Variants in C6orf136 observed in about 807,000 individuals in gnomAD.
C6orf136 encodes the protein uncharacterized protein C6orf136.
Under a neutral mutation model 44.0 loss-of-function variants are expected in C6orf136, and 29 were observed. That is an observed-to-expected ratio of 0.66 (90% CI 0.49 to 0.90). C6orf136 has a LOEUF of 0.90. Ranked by LOEUF, C6orf136 falls within the 40% of genes least tolerant of loss-of-function variation. The pLI is 0.00. For missense variants in C6orf136, 628 were observed against 669.3 expected (o/e 0.94, Z 0.68); for synonymous variants, 293 against 278.6 (o/e 1.05, Z -0.52).
In C6orf136 at chr6:30,649,851, G is replaced by A; in HGVS notation, c.909G>A (p.Trp303Ter). ...EGPPCPYPGAWIPFQVPGTAH... is the reference protein window; with the variant it reads ...EGPPCPYPGA Reference sequence around the variant, plus strand: ...CTCCCTGCCCCTATCCTGGGGCTTGGATACCTTTCCAAGTCCCTGGAACTG... The same window carrying A: ...CTCCCTGCCCCTATCCTGGGGCTTGAATACCTTTCCAAGTCCCTGGAACTG... The change falls in exon 2 of 6, where the codon TGG becomes TGA. Residue 303 changes from tryptophan to a stop codon, truncating the protein, a stop_gained. Transcript: ENST00000651131. LOFTEE classifies it high-confidence loss of function. The A allele has an allele frequency of 6.2e-7, 1 of 1,614,008 alleles. No individual in the cohort carries two copies.
Position 30,647,394 on chromosome 6 carries a change from G to T in C6orf136, c.163G>T (p.Ala55Ser). 6.8e-7 allele frequency: 1 copy of T among 1,480,132 alleles called. No homozygotes were observed. Among genetic ancestry groups the T allele is most frequent in the Non-Finnish European group, 9.0e-7 (1 of 1,115,020 alleles). The allele number at this position is 1,480,132 out of a possible 1,614,324, so 91.7% of individuals were successfully genotyped here. A position where few individuals can be genotyped will look rare whatever the true frequency, so the allele number is the denominator to read the frequency against. The stretch of plus-strand genomic sequence containing the variant: ...TGGGGCGGAGCGCGCGCTGGGTTCC[G>T]CGCAGGCGCAGAGACACCCGCCGCC... ...VRGAERALGS[A>S]QAQRHPPPLP... The change falls in exon 1 of 6, where the codon GCG (alanine) becomes TCG (serine). Residue 55 changes from alanine to serine, a missense_variant. Physicochemically the swap from Ala to Ser is moderately conservative, Grantham distance 99. Transcript: ENST00000651131. The surrounding 1 kb of genome is among the most constrained non-coding windows in gnomAD (Gnocchi z 4.8).
Position 30,647,341 on chromosome 6 carries a change from G to A in C6orf136, c.110G>A (p.Gly37Glu). 1 of 1,561,826 alleles carries A rather than the reference G, an allele frequency of 6.4e-7. No homozygotes were observed. Among genetic ancestry groups the A allele is most frequent in the Non-Finnish European group, 8.6e-7 (1 of 1,158,684 alleles). Residue 37 changes from glycine to glutamate, a missense_variant, in exon 1 of 6, where the codon GGG becomes GAG. Gly to Glu is a moderately conservative substitution (Grantham distance 98, BLOSUM62 -2). Around this residue, in one of 2 missense-constraint regions of C6orf136, gnomAD observed 497 missense variants for 469.2 expected, o/e 1.06. Transcript: ENST00000651131. The surrounding 1 kb of genome is among the most constrained non-coding windows in gnomAD (Gnocchi z 4.8). Reference protein sequence around the residue: ...GGEEGGRRGGGERPSSKPVRG... With the variant: ...GGEEGGRRGGEERPSSKPVRG... ...GAAGAGGGAGGGAGGAGAGGGGGCG[G>A]GGAGAGACCCTCCTCAAAGCCGGTG... is the stretch of plus-strand genomic sequence containing the variant.
intron 4 of C6orf136, among the ~76,000 whole-genome samples, chr6:30,652,251 A>T (rs1304775651): frequency 1.4e-5 from 2 of 141,734 alleles, no homozygotes; most frequent in South Asian, 2.3e-4. Flanking sequence ...ACACACACAC[A>T]CACACACACA....
In C6orf136 at chr6:30,651,510, T is replaced by C. The variant is rs1047597827; in HGVS notation, c.1307+44T>C. 1.8e-5 allele frequency: 15 copies of C among 833,998 alleles called. No homozygotes were observed. In the African/African-American group the frequency reaches 2.5e-4, roughly 14 times the overall value. 51.7% of individuals were successfully genotyped at this position (833,998 alleles called of 1,614,324 possible). A position where few individuals can be genotyped will look rare whatever the true frequency, so the allele number is the denominator to read the frequency against. On this transcript the variant is annotated intron_variant, in intron 4 of 5. Transcript: ENST00000651131. Reference sequence around the variant, plus strand: ...AGGACCCAAACTATAATCAGTTCCTTTTTTTTTTTTTTTTGAGACGGAGTC... The same window carrying C: ...AGGACCCAAACTATAATCAGTTCCTCTTTTTTTTTTTTTTGAGACGGAGTC...
rs773609025 is a variant in C6orf136, at chr6:30,649,951, A to G, written c.1009A>G (p.Arg337Gly). 1.2e-6 allele frequency: 2 copies of G among 1,613,000 alleles called. No individual in the cohort carries two copies. The highest frequency in any genetic ancestry group is 1.7e-6 in the Non-Finnish European group (2 of 1,179,882). The change falls in exon 2 of 6, where the codon AGA becomes GGA. Residue 337 changes from arginine to glycine, a missense_variant. By Grantham distance (125) the Arg-to-Gly change is moderately radical. This residue lies in a region of C6orf136 where 497 missense variants were observed against 469.2 expected (regional missense o/e 1.06). Coordinates refer to ENST00000651131, the MANE Select transcript of C6orf136 (RefSeq NM_001161376.2). The stretch of plus-strand genomic sequence containing the variant: ...TCTGTCTGTCATGTATGAGAGACTG[A>G]GACAAGAGGTAAGTCAGTGCAAAAG... ...EHLSVMYERL[R>G]QELPKLFLQS...
In C6orf136 at chr6:30,652,854, C is replaced by T; in HGVS notation, c.1430C>T (p.Ala477Val). 2 of 1,613,080 alleles carry T rather than the reference C, an allele frequency of 1.2e-6. No individual in the cohort carries two copies. Among genetic ancestry groups the T allele is most frequent in the Admixed American group, 1.7e-5 (1 of 60,016 alleles). Residue 477 changes from alanine to valine, a missense_variant, in exon 6 of 6, where the codon GCC becomes GTC. Transcript: ENST00000651131. ...PTPVKKLLVG[A>V]LVALGLSEPE... The stretch of plus-strand genomic sequence containing the variant: ...CCTGTGAAGAAGCTGCTAGTGGGAG[C>T]CCTGGTGGCCCTGGGGCTGTCAGAG...
In C6orf136 at chr6:30,647,303, G is replaced by C; in HGVS notation, c.72G>C (p.Gln24His). The C allele has an allele frequency of 6.3e-7, 1 of 1,597,768 alleles. No individual in the cohort carries two copies. ...TGCGCGCCTACCAGGCTCGACCCCA[G>C]GTGAGCGGAGGAGAAGAGGGAGGGA... ...PCLRAYQARP[Q>H]VSGGEEGGRR... is the part of the protein sequence containing the mutation. The change falls in exon 1 of 6, where the codon CAG (glutamine) becomes CAC (histidine). Residue 24 changes from glutamine (Q) to histidine (H), a missense_variant. Transcript: ENST00000651131. The surrounding 1 kb of genome is among the most constrained non-coding windows in gnomAD (Gnocchi z 4.8).
chr6:30,652,641 T>TC lies in C6orf136; in HGVS notation c.1308-3dup. The TC allele has an allele frequency of 6.2e-7, 1 of 1,612,664 alleles. No homozygotes were observed. On this transcript the variant is annotated splice_polypyrimidine_tract_variant and splice_region_variant and intron_variant, in intron 4 of 5. Transcript: ENST00000651131. ...TCTCCCTCAGTAAGCCTCCCTCTAT[T>TC]CCCCAGGACCTATGATGCCTACTCC...
chr6:30,649,580 T>C lies in C6orf136; in HGVS notation c.638T>C (p.Leu213Pro). Reference protein sequence around the residue: ...GTEDQLYPGTLPFPPLWPHST... With the variant: ...GTEDQLYPGTPPFPPLWPHST... ...TAGGACCAGCTTTATCCAGGGACTCTACCATTCCCACCCCTTTGGCCCCAC... is the reference window on the plus strand; with the variant it reads ...TAGGACCAGCTTTATCCAGGGACTCCACCATTCCCACCCCTTTGGCCCCAC... Residue 213 changes from leucine (L) to proline (P), a missense_variant, in exon 2 of 6, where the codon CTA becomes CCA. Physicochemically the swap from Leu to Pro is moderately conservative, Grantham distance 98. This residue lies in a region of C6orf136 where 497 missense variants were observed against 469.2 expected (regional missense o/e 1.06). Transcript: ENST00000651131. The C allele has an allele frequency of 1.3e-6, 2 of 1,586,188 alleles. No individual in the cohort carries two copies. Among genetic ancestry groups the C allele is most frequent in the African/African-American group, 1.4e-5 (1 of 72,830 alleles).
At chr6:30,652,226 G>A (rs562891497) in intron 4 of C6orf136, among the ~76,000 whole-genome samples, 2 of 142,574 alleles carry the variant, frequency 1.4e-5, no homozygotes, top group East Asian at 4.2e-4. Flanking sequence ...CTGGGTGACA[G>A]AGTGAAACCC....
In C6orf136 at chr6:30,652,926, T is replaced by C; in HGVS notation, c.*11T>C. 6.2e-7 allele frequency: 1 copy of C among 1,608,052 alleles called. No homozygotes were observed. Among genetic ancestry groups the C allele is most frequent in the Non-Finnish European group, 8.5e-7 (1 of 1,175,946 alleles). On this transcript the variant is annotated 3_prime_UTR_variant, in exon 6 of 6. Coordinates refer to ENST00000651131, the MANE Select transcript of C6orf136 (RefSeq NM_001161376.2). ...TGTTCCAAGCCCTGATCCTTGACCT[T>C]GGAGTGGAGGCAGCACTGAAGACTG...
At position 30,649,676 on chromosome 6, in the gene C6orf136, G is replaced by A. The variant is rs374559156; in HGVS notation, c.734G>A (p.Arg245His). 17 of 1,608,654 alleles carry A rather than the reference G, an allele frequency of 1.1e-5. No homozygotes were observed. In the African/African-American group the frequency reaches 1.6e-4, roughly 15 times the overall value. The change falls in exon 2 of 6, where the codon CGT (arginine) becomes CAT (histidine). Residue 245 changes from arginine (R) to histidine (H), a missense_variant. Physicochemically the swap from Arg to His is conservative, Grantham distance 29. Coordinates refer to ENST00000651131, the MANE Select transcript of C6orf136 (RefSeq NM_001161376.2). Reference sequence around the variant, plus strand: ...CTGCCCCCACGCCTTCCCACCCAGCGTCTTCCCCAGGTTCCCCCACTACCT... The same window carrying A: ...CTGCCCCCACGCCTTCCCACCCAGCATCTTCCCCAGGTTCCCCCACTACCT... ...SPLPPRLPTQ[R>H]LPQVPPLPLP...
intron 1 of C6orf136, among the ~76,000 whole-genome samples, chr6:30,648,784 A>G (rs1488996862): frequency 6.8e-6 from 1 of 146,434 alleles, no homozygotes; most frequent in Non-Finnish European, 1.5e-5. Flanking sequence ...AGGTGGGCGG[A>G]TTACCTGAGG....
rs1159320522 is a variant in C6orf136, at chr6:30,647,510, G to C, written c.279G>C (p.Ser93=). The change falls in exon 1 of 6, where the codon TCG becomes TCC. Residue 93 remains serine, a synonymous_variant. Transcript: ENST00000651131. This position sits in a 1 kb window ranked among gnomAD's most constrained non-coding sequence, Gnocchi z 4.8. ...GCCGGGCCTGTCGCGCAAGGACGTC[G>C]GTCCTCCCAGGTTTGAGGGCGGTCA... The part of the protein sequence containing the change: ...RRCRACRART[S]VLPGLRAVRR... 14 of 1,504,802 alleles carry C rather than the reference G, an allele frequency of 9.3e-6. No homozygotes were observed. Among genetic ancestry groups the C allele is most frequent in the African/African-American group, 1.4e-5 (1 of 71,496 alleles). The allele number at this position is 1,504,802 out of a possible 1,614,324, so 93.2% of individuals were successfully genotyped here. A position where few individuals can be genotyped will look rare whatever the true frequency, so the allele number is the denominator to read the frequency against.
At chr6:30,651,583 T>TGCAGCCTCTGCCTCCCG in intron 4 of C6orf136, 117 bp downstream of exon 4, 1 of 987,214 alleles carries the variant, frequency 1.0e-6, no homozygotes, top group South Asian at 1.5e-5. Context: ...CTCAGCTCAC[T>TGCAGCCTCTGCCTCCCG]GCAGCCTCTG....
rs1766948223 is a variant in C6orf136, at chr6:30,647,454, C to T, written c.223C>T (p.Leu75=). The stretch of plus-strand genomic sequence containing the variant: ...CTGTGCCCTGCAGCGCGTGGACAGG[C>T]TAGGGGTCGCGGGAGCGGGAGGGAG... ...PTCALQRVDR[L]GVAGAGGRRC... Residue 75 remains leucine, a synonymous_variant, in exon 1 of 6, where the codon CTA becomes TTA. Transcript: ENST00000651131. This position sits in a 1 kb window ranked among gnomAD's most constrained non-coding sequence, Gnocchi z 4.8. 1.3e-6 allele frequency: 2 copies of T among 1,483,730 alleles called. No homozygotes were observed. The highest frequency in any genetic ancestry group is 1.8e-6 in the Non-Finnish European group (2 of 1,111,542). 91.9% of individuals were successfully genotyped at this position (1,483,730 alleles called of 1,614,324 possible).
At chr6:30,650,815 G>A (rs1486715073) in intron 2 of C6orf136, among the ~76,000 whole-genome samples, 179 bp from the exon 3 acceptor site, 1 of 150,510 alleles carries the variant, frequency 6.6e-6, no homozygotes, top group Non-Finnish European at 1.5e-5. Context: ...GGGAGGCTGA[G>A]GCAGGAGAAT....
In C6orf136 at chr6:30,647,161, G is replaced by A. The variant is rs1766884189; in HGVS notation, c.-71G>A. On this transcript the variant is annotated 5_prime_UTR_variant, in exon 1 of 6. Transcript: ENST00000651131. This position sits in a 1 kb window ranked among gnomAD's most constrained non-coding sequence, Gnocchi z 4.8. ...CTTTCCCCTTCACGAAGCCGGCTCT[G>A]GGGCGCGCTCACCCCTGTGAGGAGG... The A allele has an allele frequency of 2.9e-6, 4 of 1,391,790 alleles. No homozygotes were observed. The Admixed American group carries it at 1.1e-4, about 37-fold the overall frequency. 86.2% of individuals were successfully genotyped at this position (1,391,790 alleles called of 1,614,324 possible).
chr6:30,647,431 G>A lies in C6orf136; in HGVS notation c.200G>A (p.Cys67Tyr). 6.8e-7 allele frequency: 1 copy of A among 1,470,536 alleles called. No homozygotes were observed. Among genetic ancestry groups the A allele is most frequent in the Non-Finnish European group, 9.0e-7 (1 of 1,107,574 alleles). The allele number at this position is 1,470,536 out of a possible 1,614,324, so 91.1% of individuals were successfully genotyped here. A position where few individuals can be genotyped will look rare whatever the true frequency, so the allele number is the denominator to read the frequency against. ...AQRHPPPLPT[C>Y]ALQRVDRLGV... ...AGACACCCGCCGCCCCTTCCCACCT[G>A]TGCCCTGCAGCGCGTGGACAGGCTA... Residue 67 changes from cysteine to tyrosine, a missense_variant, in exon 1 of 6, where the codon TGT becomes TAT. Physicochemically the swap from Cys to Tyr is radical, Grantham distance 194. This residue lies in a region of C6orf136 where 497 missense variants were observed against 469.2 expected (regional missense o/e 1.06). Coordinates refer to ENST00000651131, the MANE Select transcript of C6orf136 (RefSeq NM_001161376.2). The surrounding 1 kb of genome is among the most constrained non-coding windows in gnomAD (Gnocchi z 4.8).
Sources: gnomAD v4.1 joint callset for allele counts (sites outside exome capture counted in the v4.1 genomes callset) on GRCh38, gnomAD v4.1.1 for gene constraint, gnomAD v4.1.1 regional missense constraint, Gnocchi (gnomAD v3.1) non-coding constraint, MANE v1.5 for transcripts, NCBI Gene and HGNC (gene_info 2026-07-23, HGNC 2026-07-21) for gene names.